PKLR: variants seen among roughly 807,000 people sequenced by gnomAD.
The protein encoded by PKLR is pyruvate kinase PKLR.
A neutral mutation model predicts 53.6 loss-of-function variants in PKLR; 38 were observed. That is an observed-to-expected ratio of 0.71 (90% CI 0.55 to 0.93). PKLR has a LOEUF of 0.93. Among genes scored for constraint, PKLR ranks in the 40% least tolerant of loss-of-function variants. The pLI, the probability that PKLR is intolerant of heterozygous loss-of-function variation, is 0.00. For synonymous variants in PKLR, 328 were observed against 316.2 expected, an observed-to-expected ratio of 1.04 and a Z score of -0.39; for missense variants, 702 against 787.3, an observed-to-expected ratio of 0.89 and a Z score of 1.30.
chr1:155,307,170 C>T, the PKLR span, among the ~76,000 whole-genome samples: 2 of 152,202 alleles, frequency 1.3e-5, no homozygotes, highest in Non-Finnish European at 1.5e-5. Flanking sequence ...ACCTTGGCCT[C>T]CCAAAGCTCT....
In PKLR at chr1:155,290,364, C is replaced by T. The variant is rs944611442; in HGVS notation, c.*208G>A. The T allele has an allele frequency of 3.4e-6, 2 of 595,456 alleles. No individual in the cohort carries two copies. Among genetic ancestry groups the T allele is most frequent in the Non-Finnish European group, 6.0e-6 (2 of 332,082 alleles). 36.9% of individuals were successfully genotyped at this position (595,456 alleles called of 1,614,324 possible). A position where few individuals can be genotyped will look rare whatever the true frequency, so the allele number is the denominator to read the frequency against. ...CATAATTGGACACAGACTTTCAGGA[C>T]CTGTGTGAAATGGAGATGGGGAAGG... On this transcript the variant is annotated 3_prime_UTR_variant, in exon 11 of 11. Coordinates refer to ENST00000342741, the MANE Select transcript of PKLR (RefSeq NM_000298.6).
chr1:155,292,286 G>T (rs557848616), intron 9 of PKLR, among the ~76,000 whole-genome samples: 1 of 149,734 alleles, frequency 6.7e-6, no homozygotes, highest in South Asian at 2.1e-4. Context: ...ACACAAGAAA[G>T]ATATGAGATA....
At chr1:155,299,491 CTTTTTTTTTTT>C (rs35869567) in intron 2 of PKLR, among the ~76,000 whole-genome samples, 8 of 42,760 alleles carry the variant, frequency 1.9e-4, no homozygotes, top group Admixed American at 7.9e-4. Context: ...GCCCAGCCCA[CTTTTTTTTTTT>C]TTTTTTTTTT....
Position 155,295,385 on chromosome 1 carries a change from CA to C in PKLR, c.507+51del. The C allele has an allele frequency of 6.2e-7, 1 of 1,612,818 alleles. No homozygotes were observed. On this transcript the variant is annotated intron_variant, in intron 4 of 10. Coordinates refer to ENST00000342741, the MANE Select transcript of PKLR (RefSeq NM_000298.6). This position sits in a 1 kb window ranked among gnomAD's most constrained non-coding sequence, Gnocchi z 4.3. ...CTGCCCACGCCTGGGCCCAACCCTA[CA>C]GGCGCCGCCTTTCCGGCCCTGGCCC...
At chr1:155,306,744 T>C in the PKLR span, among the ~76,000 whole-genome samples, 1 of 152,336 alleles carries the variant, frequency 6.6e-6, no homozygotes, top group Non-Finnish European at 1.5e-5. This position sits in a 1 kb window ranked among gnomAD's most constrained non-coding sequence, Gnocchi z 4.2. Flanking sequence ...TTGGTCTCAC[T>C]GACTTCAAGA....
At chr1:155,308,190 T>TG in the PKLR span, among the ~76,000 whole-genome samples, 1 of 151,460 alleles carries the variant, frequency 6.6e-6, no homozygotes, top group African/African-American at 2.4e-5. Context: ...CCCTCCTGAG[T>TG]GGCTGGGATT....
At chr1:155,297,649 T>C (rs1174988124) in intron 2 of PKLR, among the ~76,000 whole-genome samples, 2 of 151,838 alleles carry the variant, frequency 1.3e-5, no homozygotes, top group African/African-American at 2.4e-5. Context: ...GAGCTTGTCA[T>C]TCCCCTGCTC....
Position 155,300,160 on chromosome 1 carries a change from C to T in PKLR, c.221G>A (p.Cys74Tyr). 2 of 1,614,050 alleles carry T rather than the reference C, an allele frequency of 1.2e-6. No individual in the cohort carries two copies. ...GGGCTCGGAGTCAATGTCCAGTAGG[C>T]AGAGGTGTTCCAGGAAGGTGTCTGC... Reference protein sequence around the residue: ...AMADTFLEHLCLLDIDSEPVA... With the variant: ...AMADTFLEHLYLLDIDSEPVA... The change falls in exon 2 of 11, where the codon TGC (cysteine) becomes TAC (tyrosine). Residue 74 changes from cysteine (C) to tyrosine (Y), a missense_variant. By Grantham distance (194) the Cys-to-Tyr change is radical. Transcript: ENST00000342741.
At chr1:155,294,997 G>T (rs571183772) in intron 5 of PKLR, 119 bp downstream of exon 5, 10 of 1,221,308 alleles carry the variant, frequency 8.2e-6, no homozygotes, top group Non-Finnish European at 1.2e-5. Flanking sequence ...CCTGGGACGG[G>T]CTGGCAAAAA....
Position 155,295,143 on chromosome 1 carries a change from G to C in PKLR, c.667C>G (p.Leu223Val). 1 of 1,614,122 alleles carries C rather than the reference G, an allele frequency of 6.2e-7. No individual in the cohort carries two copies. The change falls in exon 5 of 11, where the codon CTC becomes GTC. Residue 223 changes from leucine to valine, a missense_variant. Around this residue, in one of 2 missense-constraint regions of PKLR, gnomAD observed 519 missense variants for 537.1 expected, o/e 0.97. Coordinates refer to ENST00000342741, the MANE Select transcript of PKLR (RefSeq NM_000298.6). The surrounding 1 kb of genome is among the most constrained non-coding windows in gnomAD (Gnocchi z 4.3). ...ATTTTCTGGACCACTAGGGAGATGA[G>C]CCCGTCGTCAATGTAGATGCGGCCC... ...VGGRIYIDDG[L>V]ISLVVQKIGP...
At chr1:155,304,572 T>C (rs542337257), upstream of PKLR, among the ~76,000 whole-genome samples, 2 of 151,670 alleles carry the variant, frequency 1.3e-5, no homozygotes, top group East Asian at 1.9e-4. Context: ...GGCTTGGAGA[T>C]GCATTTTGGA....
At chr1:155,290,780 G>T (rs1054136490) in intron 10 of PKLR, 102 bp from the exon 11 acceptor site, 1 of 742,480 alleles carries the variant, frequency 1.3e-6, no homozygotes, top group Non-Finnish European at 2.4e-6. Context: ...CCTGAGGTCA[G>T]GAGTTTGAGA....
the PKLR span, chr1:155,308,538 G>A: frequency 1.0e-6 from 1 of 984,266 alleles, no homozygotes; most frequent in African/African-American, 1.7e-5. Flanking sequence ...AGCTAGTCCT[G>A]CTGCGTTTTA....
upstream of PKLR, among the ~76,000 whole-genome samples, chr1:155,304,160 C>T (rs145156727): frequency 1.6e-3 from 247 of 152,176 alleles, 3 homozygotes; most frequent in African/African-American, 5.0e-3. Flanking sequence ...TAGCCGGGAG[C>T]GGTGGCTCAC....
At chr1:155,308,266 A>G in the PKLR span, among the ~76,000 whole-genome samples, 151 of 150,388 alleles carry the variant, frequency 1.0e-3, 2 homozygotes, top group South Asian at 0.011. Flanking sequence ...ACGGGGTTTC[A>G]CCACATTGGT....
At chr1:155,306,719 G>A in the PKLR span, among the ~76,000 whole-genome samples, 9 of 152,290 alleles carry the variant, frequency 5.9e-5, no homozygotes, top group African/African-American at 2.2e-4. The surrounding 1 kb of genome is among the most constrained non-coding windows in gnomAD (Gnocchi z 4.2). Context: ...TTATGTATCC[G>A]GAATTGGTGG....
intron 2 of PKLR, among the ~76,000 whole-genome samples, chr1:155,298,787 A>G (rs1168020114): frequency 1.3e-5 from 2 of 151,978 alleles, no homozygotes; most frequent in Non-Finnish European, 2.9e-5. Flanking sequence ...GATTATAGGC[A>G]CATGCCACCA....
chr1:155,295,789 C>G lies in PKLR; in HGVS notation c.284-33G>C. On this transcript the variant is annotated intron_variant, in intron 2 of 10. Coordinates refer to ENST00000342741, the MANE Select transcript of PKLR (RefSeq NM_000298.6). The surrounding 1 kb of genome is among the most constrained non-coding windows in gnomAD (Gnocchi z 4.3). ...CAGAGATTCACGTTCAGACAACGTT[C>G]CCCCAGAACATGAGAGGCAACCAAA... 1 of 1,587,550 alleles carries G rather than the reference C, an allele frequency of 6.3e-7. No individual in the cohort carries two copies. The highest frequency in any genetic ancestry group is 8.6e-7 in the Non-Finnish European group (1 of 1,156,096).
At chr1:155,297,179 T>C (rs1647647843) in intron 2 of PKLR, among the ~76,000 whole-genome samples, 1 of 152,192 alleles carries the variant, frequency 6.6e-6, no homozygotes, top group Non-Finnish European at 1.5e-5. Flanking sequence ...ATACCATCTA[T>C]ATGTAGCCAA....
Sources: gnomAD v4.1 joint callset for allele counts (sites outside exome capture counted in the v4.1 genomes callset) on GRCh38, gnomAD v4.1.1 for gene constraint, gnomAD v4.1.1 regional missense constraint, Gnocchi (gnomAD v3.1) non-coding constraint, MANE v1.5 for transcripts, NCBI Gene and HGNC (gene_info 2026-07-23, HGNC 2026-07-21) for gene names.